ST6GALNAC3: variants seen among roughly 807,000 people sequenced by gnomAD.
ST6GALNAC3 encodes the protein ST6 N-acetylgalactosaminide alpha-2,6-sialyltransferase 3.
In ST6GALNAC3, 25 loss-of-function variants were observed where a neutral mutation model predicts 32.7. That is an observed-to-expected ratio of 0.76 (90% CI 0.56 to 1.07). The LOEUF (loss-of-function observed/expected upper bound fraction) is 1.07. ST6GALNAC3 is among the 50% of genes least tolerant of loss of function. The pLI is 0.00. For missense variants in ST6GALNAC3, 355 were observed against 382.4 expected (o/e 0.93, Z 0.60); for synonymous variants, 129 against 133.1 (o/e 0.97, Z 0.21).
intron 1 of ST6GALNAC3, among the ~76,000 whole-genome samples, chr1:76,125,572 A>T (rs59073776): frequency 0.063 from 9,650 of 152,210 alleles, 1,035 homozygotes; most frequent in African/African-American, 0.22. Context: ...GTCCATCTGG[A>T]AAGAACCACA....
intron 1 of ST6GALNAC3, among the ~76,000 whole-genome samples, chr1:76,121,578 TG>T (rs1003583360): frequency 3.9e-5 from 6 of 152,104 alleles, no homozygotes; most frequent in Non-Finnish European, 7.4e-5. Flanking sequence ...TAGCTGGGCA[TG>T]GTGATGGGTG....
chr1:76,430,059 CT>C (rs1332379949), intron 3 of ST6GALNAC3, among the ~76,000 whole-genome samples: 1 of 152,172 alleles, frequency 6.6e-6, no homozygotes, highest in Non-Finnish European at 1.5e-5. Context: ...GAAATTCAAT[CT>C]GTTTAAATTT....
intron 2 of ST6GALNAC3, among the ~76,000 whole-genome samples, chr1:76,365,811 T>A (rs914208598): frequency 6.6e-6 from 1 of 152,212 alleles, no homozygotes. Context: ...TTCTGAAGAT[T>A]AGATTCATTA....
chr1:76,251,122 A>T (rs993533012), intron 1 of ST6GALNAC3, among the ~76,000 whole-genome samples: 1 of 152,070 alleles, frequency 6.6e-6, no homozygotes, highest in Non-Finnish European at 1.5e-5. Flanking sequence ...TCCACCTTCA[A>T]CAATGTATTC....
chr1:76,091,366 G>A (rs1205010245), intron 1 of ST6GALNAC3, among the ~76,000 whole-genome samples: 2 of 152,184 alleles, frequency 1.3e-5, no homozygotes, highest in Non-Finnish European at 2.9e-5. Flanking sequence ...TTTCTCATGC[G>A]GATGAACAGT....
intron 1 of ST6GALNAC3, among the ~76,000 whole-genome samples, chr1:76,203,405 G>A (rs542494336): frequency 5.4e-4 from 82 of 152,304 alleles, no homozygotes; most frequent in Non-Finnish European, 7.6e-4. Flanking sequence ...TTAGTCTGCG[G>A]TTGGTAAGTT....
At chr1:76,485,804 A>C (rs1274701750) in intron 3 of ST6GALNAC3, among the ~76,000 whole-genome samples, 6 of 151,952 alleles carry the variant, frequency 3.9e-5, no homozygotes, top group Non-Finnish European at 5.9e-5. Context: ...TAGTTCTTTT[A>C]ATTGTGATGT....
chr1:76,406,212 A>T (rs973658103), intron 2 of ST6GALNAC3, among the ~76,000 whole-genome samples: 2 of 152,070 alleles, frequency 1.3e-5, no homozygotes, highest in Non-Finnish European at 2.9e-5. Flanking sequence ...TTCAATGAAC[A>T]TTGATTCCCA....
At chr1:76,560,102 T>C (rs1191774527) in intron 3 of ST6GALNAC3, among the ~76,000 whole-genome samples, 2 of 152,078 alleles carry the variant, frequency 1.3e-5, no homozygotes, top group Non-Finnish European at 2.9e-5. Flanking sequence ...ATCTCTTCAA[T>C]AAATGATGCT....
At chr1:76,147,520 A>G (rs961357322) in intron 1 of ST6GALNAC3, among the ~76,000 whole-genome samples, 2 of 152,070 alleles carry the variant, frequency 1.3e-5, no homozygotes, top group African/African-American at 2.4e-5. Flanking sequence ...AGCATTTAAC[A>G]TTCTTCTCCA....
At chr1:76,260,122 A>G (rs939829209) in intron 1 of ST6GALNAC3, among the ~76,000 whole-genome samples, 3 of 152,146 alleles carry the variant, frequency 2.0e-5, no homozygotes, top group African/African-American at 7.2e-5. Flanking sequence ...TATGGCAAGC[A>G]GGAAGCCTTG....
At chr1:76,216,989 A>G (rs756402749) in intron 1 of ST6GALNAC3, among the ~76,000 whole-genome samples, 1 of 152,236 alleles carries the variant, frequency 6.6e-6, no homozygotes, top group African/African-American at 2.4e-5. Context: ...AGCCTTGGAC[A>G]TGTATTAAAA....
chr1:76,380,556 A>G (rs1651622270), intron 2 of ST6GALNAC3, among the ~76,000 whole-genome samples: 1 of 152,250 alleles, frequency 6.6e-6, no homozygotes, highest in African/African-American at 2.4e-5. Context: ...TTTGAAAATA[A>G]TAAAAATGTC....
chr1:76,246,647 G>T (rs956889160), intron 1 of ST6GALNAC3, among the ~76,000 whole-genome samples: 2 of 152,086 alleles, frequency 1.3e-5, no homozygotes, highest in Non-Finnish European at 2.9e-5. Flanking sequence ...GTGTTTTTCA[G>T]CTCCATCAGG....
At chr1:76,543,812 C>A (rs1452144553) in intron 3 of ST6GALNAC3, among the ~76,000 whole-genome samples, 1 of 152,154 alleles carries the variant, frequency 6.6e-6, no homozygotes, top group Non-Finnish European at 1.5e-5. Context: ...AATTATCAGA[C>A]TTTTGCATTT....
intron 1 of ST6GALNAC3, among the ~76,000 whole-genome samples, chr1:76,223,623 A>G (rs1305378942): frequency 6.6e-6 from 1 of 152,186 alleles, no homozygotes; most frequent in East Asian, 1.9e-4. Context: ...GAGCTTGTAT[A>G]AATCCATATT....
intron 3 of ST6GALNAC3, among the ~76,000 whole-genome samples, chr1:76,526,977 T>C (rs1662951679): frequency 6.6e-6 from 1 of 152,086 alleles, no homozygotes; most frequent in Non-Finnish European, 1.5e-5. Context: ...GAGAGGAGAA[T>C]GGGTAGAAAA....
chr1:76,293,374 A>C (rs1337660071), intron 1 of ST6GALNAC3, among the ~76,000 whole-genome samples: 4 of 152,200 alleles, frequency 2.6e-5, no homozygotes, highest in African/African-American at 9.7e-5. Context: ...CTATGCTGGC[A>C]TTGATCTATC....
At chr1:76,358,168 A>G (rs1649641003) in intron 2 of ST6GALNAC3, among the ~76,000 whole-genome samples, 1 of 152,090 alleles carries the variant, frequency 6.6e-6, no homozygotes, top group East Asian at 1.9e-4. Flanking sequence ...GTTAGAATCT[A>G]AGCTCAGTCT....
Sources: allele counts gnomAD v4.1 joint callset (sites outside exome capture counted in the v4.1 genomes callset), GRCh38; gene constraint gnomAD v4.1.1; transcripts MANE v1.5; gene names NCBI Gene and HGNC (gene_info 2026-07-23, HGNC 2026-07-21).